The following SMAP1 variants were observed in gnomAD, a reference collection of about 807,000 sequenced individuals.
The protein encoded by SMAP1 is stromal membrane-associated protein 1.
A neutral mutation model predicts 58.5 loss-of-function variants in SMAP1; 24 were observed. The observed-to-expected ratio is 0.41, with a 90% CI of 0.30 to 0.58. The LOEUF (loss-of-function observed/expected upper bound fraction) is 0.58, where lower values mean the gene tolerates loss of function less well. Among genes scored for constraint, SMAP1 ranks in the 20% least tolerant of loss-of-function variants. The pLI is 0.29. For synonymous variants in SMAP1, 216 were observed against 196.6 expected (o/e 1.10, Z -0.82); for missense variants, 563 against 566.3 (o/e 0.99, Z 0.06).
chr6:70,858,408 C>A, intron 10 of SMAP1, 179 bp downstream of exon 10: 1 of 528,546 alleles, frequency 1.9e-6, no homozygotes, highest in South Asian at 3.3e-5. Flanking sequence ...ATCAGATAGA[C>A]AAATGATGTG....
intron 4 of SMAP1, among the ~76,000 whole-genome samples, chr6:70,775,009 C>CA (rs71538441): frequency 0.015 from 1,801 of 119,136 alleles, 15 homozygotes; most frequent in South Asian, 0.032. Context: ...GATTCTGTGT[C>CA]AAAAAAAAAA....
Position 70,856,951 on chromosome 6 carries a change from A to T in SMAP1, c.882A>T (p.Glu294Asp). Reference protein sequence around the residue: ...LFTEQTTKSEEVAKKQLSKDS... With the variant: ...LFTEQTTKSEDVAKKQLSKDS... ...CTGAGCAAACTACAAAATCAGAAGA[A>T]GTGGCAAAGAAACAACTTTCCAAAG... is the stretch of plus-strand genomic sequence containing the variant. Residue 294 changes from glutamate to aspartate, a missense_variant, in exon 9 of 11, where the codon GAA (glutamate) becomes GAT (aspartate). Glu to Asp is a conservative substitution (Grantham distance 45). Coordinates refer to ENST00000370455, the MANE Select transcript of SMAP1 (RefSeq NM_001044305.3). 6.2e-7 allele frequency: 1 copy of T among 1,614,036 alleles called. No individual in the cohort carries two copies. The highest frequency in any genetic ancestry group is 8.5e-7 in the Non-Finnish European group (1 of 1,179,900).
chr6:70,857,812 T>G lies in SMAP1; in HGVS notation c.962-110T>G, dbSNP rs1178081281. On this transcript the variant is annotated intron_variant, in intron 9 of 10. Transcript: ENST00000370455. ...GTAGTAGGAGCAGCCAAACTGGAATTAAAATGTTTGCTGTGAGTAGTTCAG... is the reference window on the plus strand; with the variant it reads ...GTAGTAGGAGCAGCCAAACTGGAATGAAAATGTTTGCTGTGAGTAGTTCAG... 81 of 1,231,294 alleles carry G rather than the reference T, an allele frequency of 6.6e-5. 1 individual carries two copies. In the East Asian group the frequency reaches 1.9e-3, roughly 28 times the overall value. 76.3% of individuals were successfully genotyped at this position (1,231,294 alleles called of 1,614,324 possible).
At chr6:70,769,908 G>A (rs1196415759) in intron 3 of SMAP1, among the ~76,000 whole-genome samples, 1 of 151,718 alleles carries the variant, frequency 6.6e-6, no homozygotes, top group Non-Finnish European at 1.5e-5. Flanking sequence ...TCCTTTCCAT[G>A]TTTAGTGCTT....
chr6:70,795,551 A>C (rs578206866), intron 5 of SMAP1, among the ~76,000 whole-genome samples: 145 of 152,120 alleles, frequency 9.5e-4, no homozygotes, highest in African/African-American at 3.4e-3. Flanking sequence ...AAGGGTGTGA[A>C]TCCTATTCAT....
At position 70,679,820 on chromosome 6, in the gene SMAP1, C is replaced by G. The variant is rs117139397; in HGVS notation, c.118+11679C>G. 3.7e-3 allele frequency among the ~76,000 whole-genome samples: 562 copies of G among 152,258 alleles called. 1 individual carries two copies. Among genetic ancestry groups the G allele is most frequent in the Non-Finnish European group, 4.0e-3 (274 of 68,012 alleles). On this transcript the variant is annotated intron_variant, in intron 1 of 10. Coordinates refer to ENST00000370455, the MANE Select transcript of SMAP1 (RefSeq NM_001044305.3). Reference sequence around the variant, plus strand: ...ATGTCAGTTCTCTCCAAATTAGTCTCTAAATTCAACATTATTCCAGTCAGA... The same window carrying G: ...ATGTCAGTTCTCTCCAAATTAGTCTGTAAATTCAACATTATTCCAGTCAGA...
At chr6:70,673,435 A>G (rs1047452470) in intron 1 of SMAP1, among the ~76,000 whole-genome samples, 1 of 152,240 alleles carries the variant, frequency 6.6e-6, no homozygotes, top group African/African-American at 2.4e-5. Context: ...CTTGCCTTCA[A>G]GGGAGTCTTT....
chr6:70,781,768 T>C (rs1767772099), intron 4 of SMAP1, among the ~76,000 whole-genome samples: 1 of 152,232 alleles, frequency 6.6e-6, no homozygotes, highest in Non-Finnish European at 1.5e-5. Context: ...AATTACTTCA[T>C]ACCTTTTCAA....
In SMAP1 at chr6:70,720,100, A is replaced by G. The variant is rs193193541; in HGVS notation, c.119-12278A>G. 2.5e-3 allele frequency among the ~76,000 whole-genome samples: 384 copies of G among 152,334 alleles called. 3 individuals are homozygous for G. The highest frequency in any genetic ancestry group is 8.9e-3 in the African/African-American group (369 of 41,578). On this transcript the variant is annotated intron_variant, in intron 1 of 10. Coordinates refer to ENST00000370455, the MANE Select transcript of SMAP1 (RefSeq NM_001044305.3). ...TCCCTTTTGCCTATGAGCATGTAAA[A>G]TAAAATCAAAAGCAAGGTAGTTACT...
intron 1 of SMAP1, among the ~76,000 whole-genome samples, chr6:70,683,165 C>CTTTTTTTTT (rs112629325): frequency 8.7e-6 from 1 of 114,538 alleles, no homozygotes; most frequent in African/African-American, 3.4e-5. Flanking sequence ...TAAGATTTAA[C>CTTTTTTTTT]TTTTTTTTTT....
chr6:70,810,908 C>T (rs144556781), intron 6 of SMAP1, among the ~76,000 whole-genome samples: 2 of 152,234 alleles, frequency 1.3e-5, no homozygotes, highest in East Asian at 3.9e-4. Context: ...ATGGATGTAG[C>T]ATAATTTACC....
In SMAP1 at chr6:70,860,931, G is replaced by A. The variant is rs1299018490; in HGVS notation, c.*597G>A. 5.3e-6 allele frequency: 2 copies of A among 376,674 alleles called. No homozygotes were observed. Among genetic ancestry groups the A allele is most frequent in the African/African-American group, 2.1e-5 (1 of 48,140 alleles). 23.3% of individuals were successfully genotyped at this position (376,674 alleles called of 1,614,324 possible). ...AAACTTCGTTTAATGAATGCTTAAA[G>A]AATTCAAATTTTATCTGCCTCTCTT... On this transcript the variant is annotated 3_prime_UTR_variant, in exon 11 of 11. Transcript: ENST00000370455.
At chr6:70,746,081 A>G (rs1181337842) in intron 2 of SMAP1, among the ~76,000 whole-genome samples, 1 of 152,172 alleles carries the variant, frequency 6.6e-6, no homozygotes, top group Non-Finnish European at 1.5e-5. Flanking sequence ...GGCTGAGACG[A>G]TGGGGTTTTC....
intron 6 of SMAP1, among the ~76,000 whole-genome samples, chr6:70,801,590 A>G (rs1768856114): frequency 6.6e-6 from 1 of 152,134 alleles, no homozygotes; most frequent in Non-Finnish European, 1.5e-5. Flanking sequence ...GTCCTTGCCC[A>G]TGCCTGTGTC....
At chr6:70,680,059 C>T (rs1766637342) in intron 1 of SMAP1, among the ~76,000 whole-genome samples, 1 of 152,060 alleles carries the variant, frequency 6.6e-6, no homozygotes, top group Non-Finnish European at 1.5e-5. Flanking sequence ...CAGTTTTTAA[C>T]AGAAGTGCCA....
chr6:70,701,414 C>T lies in SMAP1; in HGVS notation c.119-30964C>T, dbSNP rs375125580. ...ACCCAAAGTCCACTGGCTGCAAGCC[C>T]AGCACAGCACCGGGACTTGCCTAGG... On this transcript the variant is annotated intron_variant, in intron 1 of 10. Transcript: ENST00000370455. Among the ~76,000 whole-genome samples the T allele has an allele frequency of 1.4e-3, 214 of 152,312 alleles. 9 individuals carry two copies. In the South Asian group the frequency reaches 0.042, roughly 30 times the overall value.
chr6:70,786,468 G>C (rs7747602), intron 4 of SMAP1, among the ~76,000 whole-genome samples: 95,661 of 120,820 alleles, frequency 0.79, 38,392 homozygotes, highest in East Asian at 0.98. Flanking sequence ...TTAGGCAGGA[G>C]AAGGAAATAA....
At chr6:70,705,151 T>C (rs1767785732) in intron 1 of SMAP1, among the ~76,000 whole-genome samples, 1 of 152,196 alleles carries the variant, frequency 6.6e-6, no homozygotes, top group African/African-American at 2.4e-5. Context: ...TTTTCCCTTC[T>C]TCCATATCTC....
intron 3 of SMAP1, among the ~76,000 whole-genome samples, chr6:70,764,644 T>C (rs1273975109): frequency 1.3e-5 from 2 of 152,190 alleles, no homozygotes; most frequent in South Asian, 2.1e-4. Context: ...GACCTGCTGC[T>C]CAGAAAGAAA....
Sources: gnomAD v4.1 joint callset for allele counts (sites outside exome capture counted in the v4.1 genomes callset) on GRCh38, gnomAD v4.1.1 for gene constraint, MANE v1.5 for transcripts, NCBI Gene and HGNC (gene_info 2026-07-23, HGNC 2026-07-21) for gene names.